PDCD6IP: variants seen among roughly 807,000 people sequenced by gnomAD.
The protein encoded by PDCD6IP is programmed cell death 6 interacting protein.
In PDCD6IP, 43 loss-of-function variants were observed where a neutral mutation model predicts 103.7. The observed-to-expected ratio is 0.41, with a 90% CI of 0.32 to 0.53. The LOEUF (loss-of-function observed/expected upper bound fraction) is 0.53. Among genes scored for constraint, PDCD6IP ranks in the 20% least tolerant of loss-of-function variants. The probability of loss-of-function intolerance (pLI) is 0.16; values close to 1 mark genes in which losing one functional copy is unlikely to be tolerated. For synonymous variants in PDCD6IP, 354 were observed against 378.7 expected, an observed-to-expected ratio of 0.93 and a Z score of 0.76; for missense variants, 871 against 1,036.7, an observed-to-expected ratio of 0.84 and a Z score of 2.20.
chr3:33,813,424 G>T, intron 2 of PDCD6IP, 135 bp from the exon 3 acceptor site: 2 of 541,400 alleles, frequency 3.7e-6, no homozygotes, highest in Non-Finnish European at 6.6e-6. Context: ...AGGAAAGGAA[G>T]TTGGGTGGTT....
At chr3:33,828,723 C>T in intron 6 of PDCD6IP, 130 bp from the exon 7 acceptor site, 1 of 857,404 alleles carries the variant, frequency 1.2e-6, no homozygotes, top group South Asian at 2.1e-5. Context: ...TAATGACTAA[C>T]CTTAATCTCT....
chr3:33,816,503 TAA>T (rs57317946), intron 3 of PDCD6IP, among the ~76,000 whole-genome samples: 8 of 57,626 alleles, frequency 1.4e-4, no homozygotes, highest in South Asian at 5.6e-4. Context: ...AGATTCTGTC[TAA>T]AAAAAAAAAA....
intron 2 of PDCD6IP, 36 bp from the exon 3 acceptor site, chr3:33,813,523 G>T (rs778644410): frequency 7.8e-7 from 1 of 1,281,578 alleles, no homozygotes; most frequent in Non-Finnish European, 1.1e-6. Flanking sequence ...ATTCAGGAAG[G>T]TTACCTAATT....
In PDCD6IP at chr3:33,828,970, G is replaced by A; in HGVS notation, c.834+1G>A. Reference sequence around the variant, plus strand: ...TGGAGAAGAAATTGCAAGGTTACAGGTGAGTCTCTTGGTAATAAATATTTA... The same window carrying A: ...TGGAGAAGAAATTGCAAGGTTACAGATGAGTCTCTTGGTAATAAATATTTA... On this transcript the variant is annotated splice_donor_variant, in intron 7 of 17. Transcript: ENST00000307296. LOFTEE classifies it high-confidence loss of function. 2 of 1,596,780 alleles carry A rather than the reference G, an allele frequency of 1.3e-6. No individual in the cohort carries two copies. The highest frequency in any genetic ancestry group is 1.7e-6 in the Non-Finnish European group (2 of 1,171,170).
At chr3:33,817,264 C>T (rs773619708) in intron 3 of PDCD6IP, among the ~76,000 whole-genome samples, 7 of 151,882 alleles carry the variant, frequency 4.6e-5, no homozygotes, top group East Asian at 3.9e-4. Flanking sequence ...CCAGGCAACT[C>T]GAGTGTGGTA....
rs759769190 is a variant in PDCD6IP, at chr3:33,822,034, G to A, written c.414G>A (p.Gln138=). 1.2e-5 allele frequency: 19 copies of A among 1,614,164 alleles called. No individual in the cohort carries two copies. Among genetic ancestry groups the A allele is most frequent in the Middle Eastern group, 3.3e-4 (2 of 6,062 alleles). ...AALASQIAAE[Q]NLDNDEGLKI... ...TAGCTAGCCAAATTGCAGCAGAACA[G>A]AACCTGGATAATGATGAAGGATTGA... The change falls in exon 4 of 18, where the codon CAG becomes CAA. Residue 138 remains glutamine (Q), a synonymous_variant. Coordinates refer to ENST00000307296, the MANE Select transcript of PDCD6IP (RefSeq NM_013374.6).
chr3:33,800,172 GTC>G (rs138678048), intron 1 of PDCD6IP, among the ~76,000 whole-genome samples: 1,748 of 146,394 alleles, frequency 0.012, 31 homozygotes, highest in African/African-American at 0.042. Context: ...TAACTGAAAA[GTC>G]TAGGGATATT....
chr3:33,865,530 T>A, intron 17 of PDCD6IP, 100 bp downstream of exon 17: 2 of 898,952 alleles, frequency 2.2e-6, no homozygotes, highest in Non-Finnish European at 3.3e-6. Context: ...AATGGAGGTG[T>A]CATGAATGAA....
intron 11 of PDCD6IP, among the ~76,000 whole-genome samples, chr3:33,844,458 G>A (rs9836473): frequency 0.29 from 44,456 of 151,970 alleles, 6,738 homozygotes; most frequent in East Asian, 0.41. Flanking sequence ...TTCATTTTCT[G>A]TTCCAAACTC....
At chr3:33,827,074 A>T in intron 6 of PDCD6IP, 1 of 985,418 alleles carries the variant, frequency 1.0e-6, no homozygotes, top group Non-Finnish European at 1.2e-6. Flanking sequence ...ACAGGGATAA[A>T]AAATTGGGCT....
chr3:33,833,546 T>C, intron 7 of PDCD6IP, among the ~76,000 whole-genome samples: 1 of 152,230 alleles, frequency 6.6e-6, no homozygotes, highest in East Asian at 1.9e-4. Context: ...TTGTGAGTTC[T>C]GTCACTTCCT....
rs1462064990 is a variant in PDCD6IP at position 33,857,949 on chromosome 3, A to G, written c.2120+2689A>G. Among the ~76,000 whole-genome samples the G allele has an allele frequency of 7.2e-5, 11 of 152,340 alleles. No homozygotes were observed. The East Asian group carries it at 2.1e-3, about 29-fold the overall frequency. On this transcript the variant is annotated intron_variant, in intron 15 of 17. Coordinates refer to ENST00000307296, the MANE Select transcript of PDCD6IP (RefSeq NM_013374.6). The stretch of plus-strand genomic sequence containing the variant: ...CTATACTGCAGTACCAGCCAAGACA[A>G]TCACATGAGAGAGAAATTAAAAAAT...
At chr3:33,854,216 AATTGCAT>A (rs1265878860) in intron 14 of PDCD6IP, among the ~76,000 whole-genome samples, 2 of 152,212 alleles carry the variant, frequency 1.3e-5, no homozygotes, top group African/African-American at 4.8e-5. Flanking sequence ...TTGAAGAATG[AATTGCAT>A]ATTTCAACTG....
At chr3:33,834,349 T>A (rs779106050) in intron 7 of PDCD6IP, among the ~76,000 whole-genome samples, 3 of 152,204 alleles carry the variant, frequency 2.0e-5, no homozygotes, top group Non-Finnish European at 2.9e-5. Flanking sequence ...TTCTTCCCCC[T>A]CTGTGTATAG....
At position 33,867,805 on chromosome 3, in the gene PDCD6IP, A is replaced by T. The variant is rs1698099107; in HGVS notation, c.*1280A>T. ...ACATTAGGCATATGAGCAGATTTCCAGTGAATCTATTTATGTTTATTTTCT... is the reference window on the plus strand; with the variant it reads ...ACATTAGGCATATGAGCAGATTTCCTGTGAATCTATTTATGTTTATTTTCT... On this transcript the variant is annotated 3_prime_UTR_variant, in exon 18 of 18. Transcript: ENST00000307296. 1 of 152,196 alleles carries T rather than the reference A, an allele frequency of 6.6e-6. No homozygotes were observed. Among genetic ancestry groups the T allele is most frequent in the South Asian group, 2.1e-4 (1 of 4,832 alleles). 9.4% of individuals were successfully genotyped at this position (152,196 alleles called of 1,614,324 possible). A position where few individuals can be genotyped will look rare whatever the true frequency, so the allele number is the denominator to read the frequency against.
intron 1 of PDCD6IP, among the ~76,000 whole-genome samples, chr3:33,806,261 A>G (rs769511021): frequency 1.3e-5 from 2 of 152,212 alleles, no homozygotes; most frequent in Non-Finnish European, 2.9e-5. Context: ...TTTGTCATAC[A>G]TGTACTCCTG....
At position 33,868,665 on chromosome 3, in the gene PDCD6IP, G is replaced by A. The variant is rs1463957980; in HGVS notation, c.*2140G>A. 1 of 152,206 alleles carries A rather than the reference G, an allele frequency of 6.6e-6. No individual in the cohort carries two copies. Among genetic ancestry groups the A allele is most frequent in the African/African-American group, 2.4e-5 (1 of 41,446 alleles). The allele number at this position is 152,206 out of a possible 1,614,324, so 9.4% of individuals were successfully genotyped here. A position where few individuals can be genotyped will look rare whatever the true frequency, so the allele number is the denominator to read the frequency against. ...ATTACTGTTAAGGATCATACTGTTG[G>A]TTTGGAGTTGGAAGGGTACTACTCT... On this transcript the variant is annotated 3_prime_UTR_variant, in exon 18 of 18. Coordinates refer to ENST00000307296, the MANE Select transcript of PDCD6IP (RefSeq NM_013374.6).
chr3:33,813,707 C>G, intron 3 of PDCD6IP, 79 bp downstream of exon 3: 1 of 803,786 alleles, frequency 1.2e-6, no homozygotes, highest in South Asian at 1.5e-5. Flanking sequence ...AATTGTTATC[C>G]TAATGACTCT....
chr3:33,821,442 A>T (rs1696990459), intron 3 of PDCD6IP, among the ~76,000 whole-genome samples: 1 of 146,506 alleles, frequency 6.8e-6, no homozygotes. Context: ...TTTTTTTTTT[A>T]ATCAGAGTTG....
Sources: allele counts gnomAD v4.1 joint callset (sites outside exome capture counted in the v4.1 genomes callset), GRCh38; gene constraint gnomAD v4.1.1; transcripts MANE v1.5; gene names NCBI Gene and HGNC (gene_info 2026-07-23, HGNC 2026-07-21).